The following PITPNC1 variants were observed in gnomAD, a reference collection of about 807,000 sequenced individuals.
The protein encoded by PITPNC1 is cytoplasmic phosphatidylinositol transfer protein 1.
Under a neutral mutation model 44.7 loss-of-function variants are expected in PITPNC1, and 18 were observed. That is an observed-to-expected ratio of 0.40 (90% confidence interval 0.28 to 0.60). The LOEUF (loss-of-function observed/expected upper bound fraction) is 0.60. Ranked by LOEUF, PITPNC1 falls within the 20% of genes least tolerant of loss-of-function variation. The pLI, the probability that PITPNC1 is intolerant of heterozygous loss-of-function variation, is 0.39. For synonymous variants in PITPNC1, 141 were observed against 149.6 expected (o/e 0.94, Z 0.42); for missense variants, 290 against 418.4 (o/e 0.69, Z 2.68).
At chr17:67,439,059 A>G (rs377045743) in intron 1 of PITPNC1, among the ~76,000 whole-genome samples, 4 of 152,318 alleles carry the variant, frequency 2.6e-5, no homozygotes, top group African/African-American at 9.6e-5. Flanking sequence ...CTGGGCCACA[A>G]GTTTCTGGTT....
chr17:67,407,023 A>C (rs1213790099), intron 1 of PITPNC1, among the ~76,000 whole-genome samples: 1 of 152,228 alleles, frequency 6.6e-6, no homozygotes, highest in Non-Finnish European at 1.5e-5. Context: ...TTTGGGATAT[A>C]TACCTAGGGG....
At chr17:67,378,868 GC>G in intron 1 of PITPNC1, 1 of 486,760 alleles carries the variant, frequency 2.1e-6, no homozygotes, top group Middle Eastern at 1.1e-3. Context: ...CGAGCCGGGA[GC>G]GGCGGGGGCT....
chr17:67,692,151 T>C (rs1567784818), intron 8 of PITPNC1, among the ~76,000 whole-genome samples: 1 of 152,188 alleles, frequency 6.6e-6, no homozygotes, highest in Non-Finnish European at 1.5e-5. Flanking sequence ...ATTGTTTTAA[T>C]TACCTTCTCT....
At chr17:67,692,014 GA>G (rs112070314) in intron 8 of PITPNC1, among the ~76,000 whole-genome samples, 6,739 of 132,984 alleles carry the variant, frequency 0.051, 393 homozygotes, top group East Asian at 0.25. Context: ...GTCTCAGAAA[GA>G]AAAAAAAAAA....
chr17:67,629,238 C>CTGTGTGTGTGTGTGTGTGCGTG (rs1555574241), intron 5 of PITPNC1, among the ~76,000 whole-genome samples: 3 of 131,326 alleles, frequency 2.3e-5, no homozygotes, highest in African/African-American at 8.7e-5. Context: ...CTGGGGTATT[C>CTGTGTGTGTGTGTGTGTGCGTG]TGTGTGTGTG....
At chr17:67,441,594 C>T (rs1435333099) in intron 1 of PITPNC1, among the ~76,000 whole-genome samples, 3 of 152,192 alleles carry the variant, frequency 2.0e-5, no homozygotes, top group Non-Finnish European at 4.4e-5. Context: ...CTTTTGTCAG[C>T]CTTTCTTCTA....
intron 1 of PITPNC1, among the ~76,000 whole-genome samples, chr17:67,453,966 C>T (rs2039220173): frequency 1.3e-5 from 2 of 152,022 alleles, no homozygotes; most frequent in African/African-American, 4.8e-5. Flanking sequence ...AGTACAGGCT[C>T]GGGCTGGGCG....
chr17:67,582,401 A>G (rs1454182384), intron 5 of PITPNC1, among the ~76,000 whole-genome samples: 2 of 152,220 alleles, frequency 1.3e-5, no homozygotes, highest in Non-Finnish European at 2.9e-5. Context: ...TCATACTGCT[A>G]TCTGCACTGT....
At chr17:67,388,427 TTC>T (rs2038086955) in intron 1 of PITPNC1, among the ~76,000 whole-genome samples, 1 of 150,856 alleles carries the variant, frequency 6.6e-6, no homozygotes, top group Non-Finnish European at 1.5e-5. Context: ...TTTCAAGTGA[TTC>T]TCCTGCCTCA....
chr17:67,627,932 T>TG (rs2041915488), intron 5 of PITPNC1, among the ~76,000 whole-genome samples: 2 of 147,116 alleles, frequency 1.4e-5, no homozygotes, highest in Admixed American at 6.7e-5. Flanking sequence ...TCTTTTTTGT[T>TG]TTTTTTTTTT....
At chr17:67,409,126 G>A (rs1213261472) in intron 1 of PITPNC1, among the ~76,000 whole-genome samples, 44 of 138,734 alleles carry the variant, frequency 3.2e-4, no homozygotes, top group Non-Finnish European at 4.7e-4. Flanking sequence ...CGCCCAGGCC[G>A]GACTGCGGAC....
intron 1 of PITPNC1, among the ~76,000 whole-genome samples, chr17:67,473,020 T>C (rs560920057): frequency 1.2e-4 from 17 of 147,596 alleles, no homozygotes; most frequent in African/African-American, 4.0e-4. Flanking sequence ...GGACTACAGG[T>C]GCGCACCACC....
chr17:67,504,881 C>A (rs2040081139), intron 1 of PITPNC1, among the ~76,000 whole-genome samples: 1 of 152,186 alleles, frequency 6.6e-6, no homozygotes, highest in Non-Finnish European at 1.5e-5. Context: ...CAGCTATACA[C>A]TTCTCTTTAG....
Position 67,378,111 on chromosome 17 carries a change from G to T in PITPNC1, c.-44G>T. 1 of 1,445,364 alleles carries T rather than the reference G, an allele frequency of 6.9e-7. No homozygotes were observed. The highest frequency in any genetic ancestry group is 9.3e-7 in the Non-Finnish European group (1 of 1,072,062). 89.5% of individuals were successfully genotyped at this position (1,445,364 alleles called of 1,614,324 possible). ...GGCAGCAGCCTTGCTGGTCTTGGGG[G>T]CGCCCCCCGCTTCCCGCCCCGGGGG... On this transcript the variant is annotated 5_prime_UTR_variant, in exon 1 of 9. Transcript: ENST00000581322.
chr17:67,670,565 TG>T (rs2042495636), intron 7 of PITPNC1, among the ~76,000 whole-genome samples: 2 of 151,816 alleles, frequency 1.3e-5, no homozygotes, highest in Admixed American at 1.3e-4. Flanking sequence ...CTGGCCAACC[TG>T]GTGAAACCCT....
intron 1 of PITPNC1, among the ~76,000 whole-genome samples, chr17:67,520,510 C>T (rs1568024414): frequency 6.6e-6 from 1 of 152,196 alleles, no homozygotes; most frequent in East Asian, 1.9e-4. Flanking sequence ...ATGAATGCAT[C>T]AGTTTCCTTC....
intron 6 of PITPNC1, among the ~76,000 whole-genome samples, chr17:67,664,249 G>T (rs1194416287): frequency 3.3e-5 from 5 of 152,212 alleles, no homozygotes; most frequent in African/African-American, 1.2e-4. Context: ...ACAGGCGTGA[G>T]CCACTGCACC....
At chr17:67,494,687 T>G (rs987010016) in intron 1 of PITPNC1, among the ~76,000 whole-genome samples, 12 of 152,184 alleles carry the variant, frequency 7.9e-5, no homozygotes, top group African/African-American at 2.9e-4. Context: ...AAGCAAGAAG[T>G]AGGCTGGGTG....
At chr17:67,630,991 C>T (rs2144330550) in intron 5 of PITPNC1, among the ~76,000 whole-genome samples, 1 of 151,640 alleles carries the variant, frequency 6.6e-6, no homozygotes, top group Admixed American at 6.6e-5. Flanking sequence ...CGATTACAGG[C>T]ATGAACCACT....
Sources: gnomAD v4.1 joint callset for allele counts (sites outside exome capture counted in the v4.1 genomes callset) on GRCh38, gnomAD v4.1.1 for gene constraint, MANE v1.5 for transcripts, NCBI Gene and HGNC (gene_info 2026-07-23, HGNC 2026-07-21) for gene names.